Variants in SORCS3 observed in about 807,000 individuals in gnomAD.
The protein encoded by SORCS3 is sortilin related VPS10 domain containing receptor 3, also known as VPS10 domain-containing receptor SorCS3.
A neutral mutation model predicts 146.3 loss-of-function variants in SORCS3; 57 were observed. That is an observed-to-expected ratio of 0.39 (90% CI 0.31 to 0.49). SORCS3 has a LOEUF of 0.49. SORCS3 is among the 20% of genes least tolerant of loss of function. The pLI is 0.92. For missense variants in SORCS3, 1,341 were observed against 1,575.5 expected (o/e 0.85, Z 2.52); for synonymous variants, 653 against 618.5 (o/e 1.06, Z -0.83).
chr10:104,869,700 G>A (rs1364326838), intron 2 of SORCS3, among the ~76,000 whole-genome samples: 1 of 152,196 alleles, frequency 6.6e-6, no homozygotes. Flanking sequence ...AATGTTTGAA[G>A]TCAGGACTCT....
intron 15 of SORCS3, among the ~76,000 whole-genome samples, 173 bp from the exon 16 acceptor site, chr10:105,200,947 T>C (rs879718601): frequency 7.9e-5 from 12 of 152,124 alleles, no homozygotes; most frequent in Non-Finnish European, 1.5e-4. Flanking sequence ...TTTTATGTGG[T>C]AGTGAAAGAT....
At chr10:105,211,381 G>C (rs1167459852) in intron 17 of SORCS3, 131 bp downstream of exon 17, 3 of 665,792 alleles carry the variant, frequency 4.5e-6, no homozygotes, top group Non-Finnish European at 8.2e-6. Context: ...GGCATTTGAA[G>C]GGAAGTGAGG....
At chr10:104,973,808 T>G (rs576638543) in intron 3 of SORCS3, among the ~76,000 whole-genome samples, 1 of 146,594 alleles carries the variant, frequency 6.8e-6, no homozygotes, top group Non-Finnish European at 1.5e-5. Context: ...TTTTGGATCT[T>G]TCCTGCTTTC....
chr10:104,701,415 A>C (rs2016278144), intron 1 of SORCS3, among the ~76,000 whole-genome samples: 1 of 152,226 alleles, frequency 6.6e-6, no homozygotes, highest in South Asian at 2.1e-4. Context: ...TTTTCTTAAC[A>C]ATCGGTCTTT....
chr10:104,804,248 C>T (rs2017657466), intron 1 of SORCS3, among the ~76,000 whole-genome samples: 3 of 152,208 alleles, frequency 2.0e-5, no homozygotes, highest in Admixed American at 1.3e-4. Flanking sequence ...GATGAAGGAA[C>T]CTGGCCCAAG....
At chr10:104,743,068 A>G (rs1258895825) in intron 1 of SORCS3, among the ~76,000 whole-genome samples, 1 of 152,178 alleles carries the variant, frequency 6.6e-6, no homozygotes, top group Non-Finnish European at 1.5e-5. Context: ...TGGATAGAAC[A>G]TGTATTGTTA....
At chr10:105,132,203 A>G (rs1412374242) in intron 7 of SORCS3, among the ~76,000 whole-genome samples, 5 of 152,174 alleles carry the variant, frequency 3.3e-5, no homozygotes, top group Non-Finnish European at 7.4e-5. Flanking sequence ...ACCTGTACAT[A>G]AAATAGAAGG....
intron 1 of SORCS3, among the ~76,000 whole-genome samples, chr10:104,722,880 T>G (rs1459406373): frequency 6.6e-6 from 1 of 152,218 alleles, no homozygotes; most frequent in Non-Finnish European, 1.5e-5. Flanking sequence ...TTCTTCTTTA[T>G]TAGTCTTGCT....
intron 5 of SORCS3, among the ~76,000 whole-genome samples, chr10:105,082,193 A>G (rs998746573): frequency 6.6e-6 from 1 of 152,218 alleles, no homozygotes; most frequent in Non-Finnish European, 1.5e-5. Flanking sequence ...TTGTTACAGG[A>G]GCCTTGTGAA....
intron 22 of SORCS3, among the ~76,000 whole-genome samples, chr10:105,247,591 T>C (rs945384811): frequency 6.6e-6 from 1 of 152,058 alleles, no homozygotes; most frequent in Middle Eastern, 3.4e-3. Flanking sequence ...CTACTAAAAA[T>C]ACAAAAATTA....
At chr10:104,675,952 G>A (rs920061393) in intron 1 of SORCS3, among the ~76,000 whole-genome samples, 5 of 152,096 alleles carry the variant, frequency 3.3e-5, no homozygotes, top group African/African-American at 1.2e-4. Flanking sequence ...TTGGGGAAGA[G>A]GAACCTTTTT....
chr10:105,074,891 G>T (rs559102642), intron 5 of SORCS3, among the ~76,000 whole-genome samples: 1 of 152,262 alleles, frequency 6.6e-6, no homozygotes, highest in African/African-American at 2.4e-5. Context: ...ATTCTCTTCA[G>T]AGCTGAGATA....
chr10:105,169,151 G>C (rs72817769), intron 13 of SORCS3, among the ~76,000 whole-genome samples: 12,356 of 152,066 alleles, frequency 0.081, 621 homozygotes, highest in Middle Eastern at 0.15. Flanking sequence ...AAGCAAACAT[G>C]TTAAATACCT....
chr10:104,966,527 C>A (rs2076879092), intron 3 of SORCS3, among the ~76,000 whole-genome samples: 1 of 152,110 alleles, frequency 6.6e-6, no homozygotes, highest in African/African-American at 2.4e-5. Flanking sequence ...CTGTTTGCTC[C>A]TATTCTGAGA....
chr10:104,668,205 G>C (rs950157001), intron 1 of SORCS3, among the ~76,000 whole-genome samples: 2 of 152,162 alleles, frequency 1.3e-5, no homozygotes, highest in Non-Finnish European at 2.9e-5. Context: ...ACCATATTAA[G>C]TGCCTTTACT....
chr10:105,242,014 G>C (rs2056826346), intron 20 of SORCS3, among the ~76,000 whole-genome samples: 1 of 151,852 alleles, frequency 6.6e-6, no homozygotes, highest in South Asian at 2.1e-4. Context: ...TGGCTTTCAG[G>C]CTTTAAACCG....
chr10:104,644,763 A>G (rs965910869), intron 1 of SORCS3, among the ~76,000 whole-genome samples: 1 of 152,202 alleles, frequency 6.6e-6, no homozygotes, highest in Non-Finnish European at 1.5e-5. Context: ...TTTTAACACA[A>G]TGAGGGTTTC....
intron 1 of SORCS3, among the ~76,000 whole-genome samples, chr10:104,712,485 A>C (rs1276572937): frequency 6.6e-6 from 1 of 152,222 alleles, no homozygotes; most frequent in South Asian, 2.1e-4. Flanking sequence ...CCATCCTCAC[A>C]TGTGAGTCTC....
chr10:104,883,976 G>GT (rs768625481), intron 2 of SORCS3, among the ~76,000 whole-genome samples: 11 of 75,318 alleles, frequency 1.5e-4, no homozygotes, highest in African/African-American at 1.0e-3. Flanking sequence ...GCTGTGGAAT[G>GT]AGGGGGGGGA....
Sources: gnomAD v4.1 joint callset for allele counts (sites outside exome capture counted in the v4.1 genomes callset) on GRCh38, gnomAD v4.1.1 for gene constraint, MANE v1.5 for transcripts, NCBI Gene and HGNC (gene_info 2026-07-23, HGNC 2026-07-21) for gene names.